Variants in MBOAT2 observed in about 807,000 individuals in gnomAD.
The protein encoded by MBOAT2 is membrane bound glycerophospholipid O-acyltransferase 2.
Under a neutral mutation model 63.4 loss-of-function variants are expected in MBOAT2, and 28 were observed. The observed-to-expected ratio is 0.44, with a 90% CI of 0.33 to 0.61. The LOEUF is 0.61. MBOAT2 is among the 20% of genes least tolerant of loss of function. MBOAT2 has a pLI of 0.03. For synonymous variants in MBOAT2, 211 were observed against 215.6 expected (o/e 0.98, Z 0.19); for missense variants, 470 against 605.8 (o/e 0.78, Z 2.35).
intron 1 of MBOAT2, among the ~76,000 whole-genome samples, chr2:8,966,035 C>A (rs779644478): frequency 6.6e-6 from 1 of 152,046 alleles, no homozygotes; most frequent in African/African-American, 2.4e-5. Context: ...ATAACATTAA[C>A]GGATTTTTGA....
chr2:8,912,722 T>C (rs1409895181), intron 3 of MBOAT2, among the ~76,000 whole-genome samples: 2 of 152,218 alleles, frequency 1.3e-5, no homozygotes, highest in Admixed American at 6.5e-5. Flanking sequence ...ACACATCCTA[T>C]GTTCATGGAT....
chr2:8,888,482 C>A (rs1423445811), intron 4 of MBOAT2, among the ~76,000 whole-genome samples: 2 of 152,166 alleles, frequency 1.3e-5, no homozygotes, highest in Non-Finnish European at 2.9e-5. Context: ...AGACTCTCAA[C>A]TCCCTATTCT....
chr2:8,999,844 C>T (rs897807053), intron 1 of MBOAT2, among the ~76,000 whole-genome samples: 2 of 152,244 alleles, frequency 1.3e-5, no homozygotes, highest in Non-Finnish European at 2.9e-5. Flanking sequence ...ATAGATTCTA[C>T]ATTTTTATTA....
At chr2:9,001,443 T>C (rs1672684137) in intron 1 of MBOAT2, among the ~76,000 whole-genome samples, 2 of 152,172 alleles carry the variant, frequency 1.3e-5, no homozygotes, top group South Asian at 4.1e-4. Flanking sequence ...TGACAATGAC[T>C]ACAGCTTTAC....
intron 4 of MBOAT2, among the ~76,000 whole-genome samples, chr2:8,904,315 T>A (rs974041261): frequency 1.2e-4 from 17 of 140,602 alleles, no homozygotes; most frequent in African/African-American, 2.7e-4. Context: ...TTTTATTTTT[T>A]ATTTTTTTTT....
At chr2:8,927,772 C>T (rs769939775) in intron 3 of MBOAT2, among the ~76,000 whole-genome samples, 6 of 152,182 alleles carry the variant, frequency 3.9e-5, no homozygotes, top group Non-Finnish European at 7.3e-5. Context: ...TCGAGTCTGT[C>T]ACCTATCAGT....
chr2:8,929,944 A>C (rs1467803218), intron 3 of MBOAT2, among the ~76,000 whole-genome samples: 1 of 152,166 alleles, frequency 6.6e-6, no homozygotes, highest in Non-Finnish European at 1.5e-5. Flanking sequence ...AGAAAGCTAT[A>C]AACAGCGAAA....
chr2:8,881,323 C>T (rs548179836), intron 6 of MBOAT2, among the ~76,000 whole-genome samples: 3 of 151,994 alleles, frequency 2.0e-5, no homozygotes, highest in South Asian at 2.1e-4. Flanking sequence ...GTATGGGGGA[C>T]GGTGTGTTAG....
intron 1 of MBOAT2, among the ~76,000 whole-genome samples, chr2:8,989,369 G>C (rs1671773467): frequency 6.6e-6 from 1 of 152,140 alleles, no homozygotes; most frequent in South Asian, 2.1e-4. Context: ...TAATTTATGA[G>C]AACATGCTTA....
chr2:8,995,391 G>A (rs972340310), intron 1 of MBOAT2, among the ~76,000 whole-genome samples: 1 of 152,156 alleles, frequency 6.6e-6, no homozygotes, highest in African/African-American at 2.4e-5. Context: ...GAGATGCAGT[G>A]ACAGGACTGA....
Position 8,882,545 on chromosome 2 carries a change from C to A in MBOAT2, c.472G>T (p.Glu158Ter). ...AAATCCCTCTGTGAGGAAGTCAGTT[C>A]TTCATCCTTCCGAAACATCCCTGAG... ...IHDGMFRKDE[E>*]LTSSQRDLAV... The change falls in exon 6 of 13, where the codon GAA (glutamate) becomes TAA (stop). Residue 158 changes from glutamate (E) to a stop codon, truncating the protein, a stop_gained. Transcript: ENST00000305997. LOFTEE classifies it high-confidence loss of function. 6.2e-7 allele frequency: 1 copy of A among 1,614,224 alleles called. No individual in the cohort carries two copies. The highest frequency in any genetic ancestry group is 1.1e-5 in the South Asian group (1 of 91,082).
chr2:8,998,173 C>T (rs934734922), intron 1 of MBOAT2, among the ~76,000 whole-genome samples: 7 of 152,114 alleles, frequency 4.6e-5, no homozygotes, highest in African/African-American at 1.7e-4. Context: ...TATCTAAAAC[C>T]GTTAACTGAC....
chr2:8,868,426 C>T lies in MBOAT2; in HGVS notation c.987+20G>A. The T allele has an allele frequency of 6.3e-7, 1 of 1,598,370 alleles. No homozygotes were observed. Among genetic ancestry groups the T allele is most frequent in the Non-Finnish European group, 8.6e-7 (1 of 1,166,834 alleles). On this transcript the variant is annotated intron_variant, in intron 9 of 12. Transcript: ENST00000305997. ...GGTACTTAAAGTATATAGTAACTAA[C>T]TTCTTAAAGATTGACTCACCTCTAT...
chr2:8,955,206 G>A (rs1669128807), intron 2 of MBOAT2, among the ~76,000 whole-genome samples: 1 of 152,204 alleles, frequency 6.6e-6, no homozygotes, highest in Non-Finnish European at 1.5e-5. Context: ...TACGTGCCTG[G>A]ATTAAAAATG....
chr2:8,919,165 A>G (rs969143615), intron 3 of MBOAT2, among the ~76,000 whole-genome samples: 2 of 152,126 alleles, frequency 1.3e-5, no homozygotes, highest in Non-Finnish European at 2.9e-5. Flanking sequence ...GCCGGTGAAT[A>G]TTTGGGCTGT....
intron 3 of MBOAT2, among the ~76,000 whole-genome samples, chr2:8,931,672 C>T (rs1463718526): frequency 6.6e-6 from 1 of 152,224 alleles, no homozygotes; most frequent in East Asian, 1.9e-4. Context: ...TGCCTATGTC[C>T]TTAATGGTAC....
At chr2:8,895,826 C>T (rs1052864555) in intron 4 of MBOAT2, among the ~76,000 whole-genome samples, 2 of 152,054 alleles carry the variant, frequency 1.3e-5, no homozygotes, top group Non-Finnish European at 2.9e-5. Flanking sequence ...CTAGAGGAAA[C>T]AAATTTGACA....
chr2:8,894,909 C>T (rs867628957), intron 4 of MBOAT2, among the ~76,000 whole-genome samples: 5 of 150,806 alleles, frequency 3.3e-5, no homozygotes, highest in East Asian at 3.9e-4. Flanking sequence ...GTGGTCTCCC[C>T]GACTTCAGGA....
At chr2:8,895,165 G>C (rs907584438) in intron 4 of MBOAT2, among the ~76,000 whole-genome samples, 3 of 152,244 alleles carry the variant, frequency 2.0e-5, no homozygotes, top group East Asian at 3.8e-4. Flanking sequence ...AGCCACTGCT[G>C]GCTCACCTGG....
Sources: allele counts gnomAD v4.1 joint callset (sites outside exome capture counted in the v4.1 genomes callset), GRCh38; gene constraint gnomAD v4.1.1; transcripts MANE v1.5; gene names NCBI Gene and HGNC (gene_info 2026-07-23, HGNC 2026-07-21).